Variants in PYROXD2 observed in about 807,000 individuals in gnomAD.
PYROXD2 encodes pyridine nucleotide-disulphide oxidoreductase domain 2, also known as pyridine nucleotide-disulfide oxidoreductase domain-containing protein 2.
PYROXD2 carries 69 observed loss-of-function variants against 71.1 expected under a neutral mutation model. The ratio of observed to expected loss-of-function variants is 0.97; its 90% CI spans 0.80 to 1.19. The LOEUF is 1.19. PYROXD2 is among the 50% of genes most tolerant of loss of function. PYROXD2 has a pLI of 0.00. For synonymous variants in PYROXD2, 287 were observed against 302.7 expected, an observed-to-expected ratio of 0.95 and a Z score of 0.54; for missense variants, 745 against 748.9, an observed-to-expected ratio of 0.99 and a Z score of 0.06.
chr10:98,390,770 G>C lies in PYROXD2; in HGVS notation c.1136-16C>G. ...TCTACGGCCACTGAGGGACCAAAGA[G>C]GAGGGTCAGGTCTTAGCCCCACAAG... On this transcript the variant is annotated splice_polypyrimidine_tract_variant and intron_variant, in intron 11 of 15. Transcript: ENST00000370575. 6.4e-7 allele frequency: 1 copy of C among 1,568,874 alleles called. No individual in the cohort carries two copies. Among genetic ancestry groups the C allele is most frequent in the South Asian group, 1.2e-5 (1 of 83,788 alleles).
intron 5 of PYROXD2, among the ~76,000 whole-genome samples, 167 bp downstream of exon 5, chr10:98,399,935 G>A (rs534261961): frequency 5.3e-5 from 8 of 152,320 alleles, no homozygotes; most frequent in Admixed American, 3.9e-4. Context: ...GCTTCTCTTC[G>A]CAGTGCCTGA....
intron 1 of PYROXD2, 105 bp downstream of exon 1, chr10:98,414,904 G>C (rs1038466447): frequency 1.3e-6 from 2 of 1,493,694 alleles, no homozygotes; most frequent in African/African-American, 2.8e-5. Flanking sequence ...TTATGCCAGA[G>C]GAGAGAGCAG....
chr10:98,396,864 G>C (rs999744746), intron 6 of PYROXD2, among the ~76,000 whole-genome samples: 3 of 152,174 alleles, frequency 2.0e-5, no homozygotes, highest in Admixed American at 1.3e-4. Context: ...CAGAAGTGTG[G>C]GAGTCAATGC....
intron 6 of PYROXD2, 104 bp from the exon 7 acceptor site, chr10:98,395,556 A>T: frequency 1.0e-6 from 1 of 982,042 alleles, no homozygotes; most frequent in Non-Finnish European, 1.6e-6. Flanking sequence ...ACTTCCTGCC[A>T]GGAGGTGGTA....
intron 4 of PYROXD2, among the ~76,000 whole-genome samples, chr10:98,404,032 A>G (rs1843511239): frequency 6.6e-6 from 1 of 152,220 alleles, no homozygotes. Flanking sequence ...TTCTAAATGG[A>G]GGCTCTGTCA....
Position 98,397,412 on chromosome 10 carries a change from G to A in PYROXD2, c.558C>T (p.Ala186=), listed in dbSNP as rs755650550. ...LLDAAPVDMA[A]FQHGSLLQRM... is the part of the protein sequence containing the mutation. ...TTTGCAGCAAGGAGCCATGCTGGAA[G>A]GCCGCCATGTCCACGGGGGCCGCAT... Residue 186 remains alanine (A), a synonymous_variant, in exon 6 of 16, where the codon GCC becomes GCT. Coordinates refer to ENST00000370575, the MANE Select transcript of PYROXD2 (RefSeq NM_032709.3). 3 of 1,613,490 alleles carry A rather than the reference G, an allele frequency of 1.9e-6. No homozygotes were observed. In the East Asian group the frequency reaches 6.7e-5, roughly 36 times the overall value.
chr10:98,407,431 G>C, intron 4 of PYROXD2, 151 bp downstream of exon 4: 1 of 853,496 alleles, frequency 1.2e-6, no homozygotes, highest in Non-Finnish European at 1.8e-6. Context: ...ATGCAGCAGG[G>C]AGACCACGTG....
chr10:98,395,542 T>A, intron 6 of PYROXD2, 90 bp from the exon 7 acceptor site: 1 of 1,101,548 alleles, frequency 9.1e-7, no homozygotes, highest in Non-Finnish European at 1.4e-6. Flanking sequence ...TGGAGGATGC[T>A]GAGACTTCCT....
chr10:98,414,923 G>GGCTCCC (rs1335292571), intron 1 of PYROXD2, 86 bp downstream of exon 1: 1 of 1,541,566 alleles, frequency 6.5e-7, no homozygotes, highest in East Asian at 2.3e-5. Context: ...AGTGGGGCTT[G>GGCTCCC]GCTCCCCCTC....
At chr10:98,412,370 C>T (rs144145318) in intron 1 of PYROXD2, among the ~76,000 whole-genome samples, 49 of 152,278 alleles carry the variant, frequency 3.2e-4, no homozygotes, top group African/African-American at 1.2e-3. Context: ...TGCTAATCCC[C>T]AGACCTGCCT....
chr10:98,414,241 G>C (rs1157926276), intron 1 of PYROXD2: 2 of 151,978 alleles, frequency 1.3e-5, no homozygotes, highest in African/African-American at 2.4e-5. Flanking sequence ...GTCTGCTTTC[G>C]GTCCCGTCAT....
chr10:98,406,908 A>G (rs1022585296), intron 4 of PYROXD2, among the ~76,000 whole-genome samples: 2 of 150,460 alleles, frequency 1.3e-5, no homozygotes, highest in Admixed American at 6.6e-5. Context: ...AAAAAAAAAA[A>G]AAAAGATGGC....
chr10:98,385,109 AG>A, intron 14 of PYROXD2, 42 bp from the exon 15 acceptor site: 2 of 1,609,770 alleles, frequency 1.2e-6, no homozygotes, highest in Admixed American at 3.4e-5. Context: ...GGAGAGTTAC[AG>A]CCTTTCCTGC....
In PYROXD2 at chr10:98,392,421, C is replaced by G; in HGVS notation, c.1062+11G>C. On this transcript the variant is annotated intron_variant, in intron 10 of 15. Transcript: ENST00000370575. ...GACATCTAAGCTCCACCCTCCTGCC[C>G]ACAGCCTCACCTGTGGCGTCAGCTT... 6.2e-7 allele frequency: 1 copy of G among 1,612,668 alleles called. No individual in the cohort carries two copies. The highest frequency in any genetic ancestry group is 8.5e-7 in the Non-Finnish European group (1 of 1,179,762).
chr10:98,400,593 A>C (rs1590960489), intron 4 of PYROXD2, among the ~76,000 whole-genome samples: 1 of 151,650 alleles, frequency 6.6e-6, no homozygotes, highest in Admixed American at 6.6e-5. Flanking sequence ...GTCATACCAC[A>C]CCCTACCACA....
intron 4 of PYROXD2, 148 bp downstream of exon 4, chr10:98,407,434 A>C: frequency 1.2e-6 from 1 of 863,886 alleles, no homozygotes; most frequent in Non-Finnish European, 1.8e-6. Context: ...CAGCAGGGAG[A>C]CCACGTGGGA....
chr10:98,395,254 TG>T lies in PYROXD2; in HGVS notation c.726del (p.Thr243LeufsTer2), dbSNP rs747409676. On this transcript the variant is annotated frameshift_variant, in exon 8 of 16. Coordinates refer to ENST00000370575, the MANE Select transcript of PYROXD2 (RefSeq NM_032709.3). LOFTEE classifies it high-confidence loss of function. ...DQWFESEPLKATLATDAVIGA... is the reference protein window; with the variant it reads ...DQWFESEPLKXTLATDAVIGA... ...CCAATCACTGCATCTGTGGCTAGAG[TG>T]GCTTTTAAAGGCTCAGACTCGAACC... is the stretch of plus-strand genomic sequence containing the variant. The T allele has an allele frequency of 6.2e-7, 1 of 1,613,612 alleles. No individual in the cohort carries two copies. The highest frequency in any genetic ancestry group is 8.5e-7 in the Non-Finnish European group (1 of 1,179,906).
At chr10:98,395,532 T>C in intron 6 of PYROXD2, 80 bp from the exon 7 acceptor site, 2 of 1,276,946 alleles carry the variant, frequency 1.6e-6, no homozygotes, top group Non-Finnish European at 2.3e-6. Flanking sequence ...GATAAAAGCA[T>C]GGAGGATGCT....
chr10:98,401,035 G>T (rs1471646576), intron 4 of PYROXD2, among the ~76,000 whole-genome samples: 1 of 152,028 alleles, frequency 6.6e-6, no homozygotes, highest in Non-Finnish European at 1.5e-5. Flanking sequence ...GGGCAGATCA[G>T]CGAGGTCAGG....
Sources: allele counts gnomAD v4.1 joint callset (sites outside exome capture counted in the v4.1 genomes callset), GRCh38; gene constraint gnomAD v4.1.1; transcripts MANE v1.5; gene names NCBI Gene and HGNC (gene_info 2026-07-23, HGNC 2026-07-21).